The following FAT1 variants were observed in gnomAD, a reference collection of about 807,000 sequenced individuals.
FAT1 encodes the protein FAT atypical cadherin 1.
In FAT1, 171 loss-of-function variants were observed where a neutral mutation model predicts 329.8. The ratio of observed to expected loss-of-function variants is 0.52; its 90% CI spans 0.46 to 0.59. The LOEUF is 0.59. Among genes scored for constraint, FAT1 ranks in the 20% least tolerant of loss-of-function variants. The pLI is 0.00. For missense variants in FAT1, 5,672 were observed against 5,774.4 expected, an observed-to-expected ratio of 0.98 and a Z score of 0.57; for synonymous variants, 2,233 against 2,228.6, an observed-to-expected ratio of 1.00 and a Z score of -0.06.
chr4:186,619,756 T>C lies in FAT1; in HGVS notation c.6830A>G (p.Asn2277Ser), dbSNP rs1414012626. Residue 2277 changes from asparagine to serine, a missense_variant, in exon 10 of 27, where the codon AAT (asparagine) becomes AGT (serine). Coordinates refer to ENST00000441802, the MANE Select transcript of FAT1 (RefSeq NM_005245.4). ...CTGAGCAAACACAGGAGGGTTATCATTGATGTCGTCTACTATGATGTCCAC... is the reference window on the plus strand; with the variant it reads ...CTGAGCAAACACAGGAGGGTTATCACTGATGTCGTCTACTATGATGTCCAC... ...VFVDIIVDDI[N>S]DNPPVFAQQS... 3 of 1,613,912 alleles carry C rather than the reference T, an allele frequency of 1.9e-6. No individual in the cohort carries two copies. The highest frequency in any genetic ancestry group is 1.7e-5 in the Admixed American group (1 of 60,010).
chr4:186,699,632 C>T (rs867171239), intron 2 of FAT1, among the ~76,000 whole-genome samples: 2 of 150,998 alleles, frequency 1.3e-5, no homozygotes, highest in South Asian at 4.2e-4. Context: ...AAAGATTGCG[C>T]TTTGTGGCAC....
rs147441181 is a variant in FAT1, at chr4:186,594,283, G to A, written c.13138+1406C>T. 1.2e-4 allele frequency among the ~76,000 whole-genome samples: 18 copies of A among 150,564 alleles called. No individual in the cohort carries two copies. In the East Asian group the frequency reaches 1.4e-3, roughly 11 times the overall value. On this transcript the variant is annotated intron_variant, in intron 26 of 26. Transcript: ENST00000441802. ...GGGGTTTCACTGCCAGGACGGTCTC[G>A]ATCTCCCAACCTTGTGATCCGCCCG...
chr4:186,643,788 T>TCCCCCCCCCCCCCCCCCCCCCCCCCCCC, intron 3 of FAT1, among the ~76,000 whole-genome samples: 1 of 131,186 alleles, frequency 7.6e-6, no homozygotes, highest in African/African-American at 2.9e-5. Context: ...CTGCTCCTCA[T>TCCCCCCCCCCCCCCCCCCCCCCCCCCCC]CCCCCCCCCA....
In FAT1 at chr4:186,690,334, A is replaced by C. The variant is rs532047099; in HGVS notation, c.3265+16229T>G. On this transcript the variant is annotated intron_variant, in intron 2 of 26. Transcript: ENST00000441802. Reference sequence around the variant, plus strand: ...GATTCCAGCATAGGTAATTTGCAAAAAAATTATAACCAAAGTGAATGATCA... The same window carrying C: ...GATTCCAGCATAGGTAATTTGCAAACAAATTATAACCAAAGTGAATGATCA... 1.5e-3 allele frequency among the ~76,000 whole-genome samples: 222 copies of C among 152,288 alleles called. 1 individual carries two copies. Among genetic ancestry groups the C allele is most frequent in the Non-Finnish European group, 2.5e-3 (173 of 68,014 alleles).
At chr4:186,637,038 T>C (rs947240222) in intron 4 of FAT1, 124 bp from the exon 5 acceptor site, 5 of 805,456 alleles carry the variant, frequency 6.2e-6, no homozygotes, top group Admixed American at 2.4e-5. Context: ...GATGACAACA[T>C]ACACAGCAGA....
intron 1 of FAT1, among the ~76,000 whole-genome samples, chr4:186,710,665 A>T (rs1744905987): frequency 2.0e-5 from 3 of 152,174 alleles, no homozygotes; most frequent in Admixed American, 6.5e-5. Flanking sequence ...CACTGCTGTC[A>T]ACAACCAGTT....
intron 9 of FAT1, among the ~76,000 whole-genome samples, chr4:186,623,803 T>C (rs998396375): frequency 1.3e-5 from 2 of 152,212 alleles, no homozygotes; most frequent in Admixed American, 1.3e-4. Context: ...CTCATCGCCC[T>C]GTGTTTTCTT....
chr4:186,698,739 T>C (rs964960886), intron 2 of FAT1, among the ~76,000 whole-genome samples: 1 of 152,166 alleles, frequency 6.6e-6, no homozygotes, highest in Non-Finnish European at 1.5e-5. Context: ...CAGGGAGGCC[T>C]GTTAGGGCAA....
chr4:186,685,611 A>G (rs973627311), intron 2 of FAT1, among the ~76,000 whole-genome samples: 2 of 152,218 alleles, frequency 1.3e-5, no homozygotes, highest in Non-Finnish European at 2.9e-5. Context: ...AAAGCACTTA[A>G]CCAGTGGTTA....
chr4:186,600,449 G>C, intron 21 of FAT1, 89 bp from the exon 22 acceptor site: 1 of 1,127,736 alleles, frequency 8.9e-7, no homozygotes, highest in Non-Finnish European at 1.3e-6. Context: ...AGGGCTTAGG[G>C]AGTGAGGGTA....
chr4:186,623,925 T>C (rs1437987352), intron 9 of FAT1, among the ~76,000 whole-genome samples: 11 of 152,320 alleles, frequency 7.2e-5, no homozygotes, highest in Non-Finnish European at 1.5e-4. Context: ...ATGTCACTGA[T>C]AACAAGGTTA....
intron 3 of FAT1, among the ~76,000 whole-genome samples, chr4:186,647,911 T>A (rs899246858): frequency 1.3e-5 from 2 of 152,152 alleles, no homozygotes; most frequent in Admixed American, 6.5e-5. Flanking sequence ...GGACATTCAG[T>A]GTGCTTAAGA....
chr4:186,692,631 A>G (rs1743837803), intron 2 of FAT1, among the ~76,000 whole-genome samples: 1 of 152,204 alleles, frequency 6.6e-6, no homozygotes, highest in Non-Finnish European at 1.5e-5. Flanking sequence ...AAACTTAAGC[A>G]GAGATGTCAG....
Position 186,618,773 on chromosome 4 carries a change from T to A in FAT1, c.7813A>T (p.Ile2605Phe), listed in dbSNP as rs545040270. ...GTCCCTTTAGCAGCACTGGACCCGA[T>A]ATTCACTTCGTATTTGGTTGCTCGA... Reference protein sequence around the residue: ...QFRATKYEVNIGSSAAKGTSV... With the variant: ...QFRATKYEVNFGSSAAKGTSV... The change falls in exon 10 of 27, where the codon ATC becomes TTC. Residue 2605 changes from isoleucine to phenylalanine, a missense_variant. Ile to Phe is a conservative substitution (Grantham distance 21). Transcript: ENST00000441802. 4 of 1,614,038 alleles carry A rather than the reference T, an allele frequency of 2.5e-6. No individual in the cohort carries two copies. Among genetic ancestry groups the A allele is most frequent in the South Asian group, 2.2e-5 (2 of 91,078 alleles).
intron 1 of FAT1, among the ~76,000 whole-genome samples, chr4:186,714,697 T>C (rs867550019): frequency 6.6e-6 from 1 of 152,092 alleles, no homozygotes; most frequent in Non-Finnish European, 1.5e-5. Context: ...AACCACAGCA[T>C]AGTGGTGTGA....
At chr4:186,652,971 A>T (rs1397456814) in intron 3 of FAT1, among the ~76,000 whole-genome samples, 1 of 152,248 alleles carries the variant, frequency 6.6e-6, no homozygotes, top group Non-Finnish European at 1.5e-5. Flanking sequence ...CACATTTCCT[A>T]TAGTAAACAT....
chr4:186,680,416 A>C (rs529659400), intron 2 of FAT1, among the ~76,000 whole-genome samples: 6 of 152,332 alleles, frequency 3.9e-5, no homozygotes, highest in African/African-American at 1.4e-4. Context: ...CACTGTGAAA[A>C]CACTGAATAG....
chr4:186,705,455 A>G (rs1744535546), intron 2 of FAT1, among the ~76,000 whole-genome samples: 2 of 152,204 alleles, frequency 1.3e-5, no homozygotes, highest in South Asian at 4.1e-4. Context: ...ATTAGTAAAC[A>G]AATTGAGCCC....
chr4:186,724,475 C>T (rs1561024610), upstream of FAT1, among the ~76,000 whole-genome samples: 1 of 152,194 alleles, frequency 6.6e-6, no homozygotes, highest in Admixed American at 6.5e-5. The surrounding 1 kb of genome is among the most constrained non-coding windows in gnomAD (Gnocchi z 5.3). Context: ...CTGGCCTCCC[C>T]CGCTGACACC....
Sources: allele counts gnomAD v4.1 joint callset (sites outside exome capture counted in the v4.1 genomes callset), GRCh38; gene constraint gnomAD v4.1.1; non-coding constraint Gnocchi (gnomAD v3.1); transcripts MANE v1.5; gene names NCBI Gene and HGNC (gene_info 2026-07-23, HGNC 2026-07-21).